UCK2: variants seen among roughly 807,000 people sequenced by gnomAD.
UCK2 encodes uridine-cytidine kinase 2.
A neutral mutation model predicts 30.8 loss-of-function variants in UCK2; 6 were observed. The ratio of observed to expected loss-of-function variants is 0.19; its 90% CI spans 0.11 to 0.38. The LOEUF (loss-of-function observed/expected upper bound fraction) is 0.38, where lower values mean the gene tolerates loss of function less well. Among genes scored for constraint, UCK2 ranks in the 10% least tolerant of loss-of-function variants. The pLI is 1.00. For missense variants in UCK2, 210 were observed against 339.8 expected, an observed-to-expected ratio of 0.62 and a Z score of 3.00; for synonymous variants, 125 against 133.6, an observed-to-expected ratio of 0.94 and a Z score of 0.45.
intron 1 of UCK2, among the ~76,000 whole-genome samples, chr1:165,874,973 G>A (rs1358269551): frequency 3.4e-5 from 5 of 145,528 alleles, no homozygotes; most frequent in Non-Finnish European, 6.0e-5. Context: ...GTTTTGTGCC[G>A]TTTTATAGAC....
At chr1:165,860,481 T>C (rs1417812367) in intron 1 of UCK2, among the ~76,000 whole-genome samples, 1 of 152,052 alleles carries the variant, frequency 6.6e-6, no homozygotes, top group Non-Finnish European at 1.5e-5. Flanking sequence ...CGGGCCTCAC[T>C]CCAGTTGCCC....
At chr1:165,898,197 G>C (rs912739146) in intron 4 of UCK2, among the ~76,000 whole-genome samples, 2 of 152,174 alleles carry the variant, frequency 1.3e-5, no homozygotes, top group African/African-American at 4.8e-5. Flanking sequence ...ATAAATTTTA[G>C]AGTCCAGCGA....
chr1:165,840,517 G>A (rs1054920026), intron 1 of UCK2, among the ~76,000 whole-genome samples: 3 of 152,146 alleles, frequency 2.0e-5, no homozygotes, highest in African/African-American at 7.2e-5. Context: ...CAGTCTTGCC[G>A]TCCAGTTCTA....
chr1:165,902,594 T>TTG (rs1647516019), intron 4 of UCK2: 1 of 86,072 alleles, frequency 1.2e-5, no homozygotes, highest in Non-Finnish European at 2.5e-5. Context: ...ACTGAGTGAT[T>TTG]TTTTTTTTTT....
intron 5 of UCK2, 54 bp from the exon 6 acceptor site, chr1:165,905,867 C>A: frequency 1.9e-6 from 3 of 1,559,222 alleles, no homozygotes; most frequent in Non-Finnish European, 2.7e-6. Flanking sequence ...GAGAGGGTCT[C>A]GGGCCAGTTG....
Position 165,909,721 on chromosome 1 carries a change from T to C in UCK2, c.*1898T>C, listed in dbSNP as rs2101891830. On this transcript the variant is annotated 3_prime_UTR_variant, in exon 7 of 7. Transcript: ENST00000367879. ...CCAAGATCAGTTCAGGATCAATCAT[T>C]ATCCTTGTAGTCATGCCTTGATCAG... 1 of 152,308 alleles carries C rather than the reference T, an allele frequency of 6.6e-6. No homozygotes were observed. The highest frequency in any genetic ancestry group is 6.5e-5 in the Admixed American group (1 of 15,310). 9.4% of individuals were successfully genotyped at this position (152,308 alleles called of 1,614,324 possible).
rs1054673741 is a variant in UCK2 at position 165,897,758 on chromosome 1, C to G, written c.499+1426C>G. Among the ~76,000 whole-genome samples, 21 of 152,302 alleles carry G rather than the reference C, an allele frequency of 1.4e-4. 1 individual carries two copies. Among genetic ancestry groups the G allele is most frequent in the African/African-American group, 4.8e-4 (20 of 41,564 alleles). ...CTACAGAAACAAGTCCTGAGCTTTG[C>G]CCTTCTAAGTAGTAATAGATACATA... On this transcript the variant is annotated intron_variant, in intron 4 of 6. Coordinates refer to ENST00000367879, the MANE Select transcript of UCK2 (RefSeq NM_012474.5).
At chr1:165,851,891 C>G (rs984405654) in intron 1 of UCK2, among the ~76,000 whole-genome samples, 1 of 152,184 alleles carries the variant, frequency 6.6e-6, no homozygotes, top group African/African-American at 2.4e-5. Flanking sequence ...TGGCTTCCAG[C>G]TTCACCCATG....
At chr1:165,838,440 C>T (rs141073763) in intron 1 of UCK2, among the ~76,000 whole-genome samples, 1 of 152,202 alleles carries the variant, frequency 6.6e-6, no homozygotes, top group Non-Finnish European at 1.5e-5. Flanking sequence ...TCGTTAACCA[C>T]CTTCCCTCCT....
At chr1:165,888,333 C>T (rs1179628563) in intron 1 of UCK2, among the ~76,000 whole-genome samples, 1 of 151,832 alleles carries the variant, frequency 6.6e-6, no homozygotes, top group Non-Finnish European at 1.5e-5. Context: ...CACTCTGTTG[C>T]CCAGGTTGGA....
intron 1 of UCK2, among the ~76,000 whole-genome samples, chr1:165,879,915 C>G (rs570674002): frequency 6.6e-6 from 1 of 152,176 alleles, no homozygotes; most frequent in Non-Finnish European, 1.5e-5. Flanking sequence ...TCTTTCCTTC[C>G]CCTGTTGCTC....
intron 1 of UCK2, among the ~76,000 whole-genome samples, chr1:165,829,268 A>T (rs1386720125): frequency 6.6e-6 from 1 of 152,204 alleles, no homozygotes; most frequent in African/African-American, 2.4e-5. Flanking sequence ...TTTTAAAAAA[A>T]TTTGTAATTT....
chr1:165,873,537 A>C (rs940512000), intron 1 of UCK2, among the ~76,000 whole-genome samples: 1 of 152,188 alleles, frequency 6.6e-6, no homozygotes, highest in East Asian at 1.9e-4. Context: ...TTTCTGTGTG[A>C]TTCTTTATAT....
chr1:165,832,167 CT>C (rs1654066413), intron 1 of UCK2, among the ~76,000 whole-genome samples: 5 of 152,148 alleles, frequency 3.3e-5, no homozygotes, highest in African/African-American at 2.4e-5. Context: ...GGCCTTTAGT[CT>C]TTTTAAGGCT....
At chr1:165,844,222 C>T (rs1455809473) in intron 1 of UCK2, among the ~76,000 whole-genome samples, 1 of 152,236 alleles carries the variant, frequency 6.6e-6, no homozygotes, top group Non-Finnish European at 1.5e-5. Context: ...CCTGAAAGGG[C>T]ACGTATGCCT....
At chr1:165,907,612 C>G (rs1221385338) in intron 6 of UCK2, 72 bp from the exon 7 acceptor site, 1 of 1,548,464 alleles carries the variant, frequency 6.5e-7, no homozygotes, top group Non-Finnish European at 8.7e-7. Flanking sequence ...GCCCTTCCCC[C>G]AGACAGACTC....
At chr1:165,891,498 G>C in intron 3 of UCK2, 176 bp downstream of exon 3, 1 of 606,906 alleles carries the variant, frequency 1.6e-6, no homozygotes, top group East Asian at 2.9e-5. Flanking sequence ...CTGTGGGATT[G>C]TAGAGGTTGG....
intron 2 of UCK2, 76 bp downstream of exon 2, chr1:165,890,439 A>C: frequency 6.7e-7 from 1 of 1,491,596 alleles, no homozygotes; most frequent in Non-Finnish European, 9.2e-7. Context: ...CTCATGAGGA[A>C]GTTGCTTAAC....
chr1:165,880,395 C>T (rs542270736), intron 1 of UCK2, among the ~76,000 whole-genome samples: 4 of 152,266 alleles, frequency 2.6e-5, no homozygotes, highest in Non-Finnish European at 4.4e-5. Flanking sequence ...TGCCTCTTAA[C>T]GCTCAAGTAA....
Sources: allele counts gnomAD v4.1 joint callset (sites outside exome capture counted in the v4.1 genomes callset), GRCh38; gene constraint gnomAD v4.1.1; transcripts MANE v1.5; gene names NCBI Gene and HGNC (gene_info 2026-07-23, HGNC 2026-07-21).